The following KMT2B variants were observed in gnomAD, a reference collection of about 807,000 sequenced individuals.
The protein encoded by KMT2B is lysine methyltransferase 2B.
In KMT2B, 22 loss-of-function variants were observed where a neutral mutation model predicts 255.3. That is an observed-to-expected ratio of 0.09 (90% CI 0.06 to 0.12). KMT2B has a LOEUF of 0.12. KMT2B is among the 10% of genes least tolerant of loss of function. The pLI, the probability that KMT2B is intolerant of heterozygous loss-of-function variation, is 1.00. For missense variants in KMT2B, 3,149 were observed against 3,737.0 expected (o/e 0.84, Z 4.10); for synonymous variants, 1,730 against 1,498.1 (o/e 1.15, Z -3.57).
In KMT2B at chr19:35,729,008, G is replaced by A. The variant is rs1969580208; in HGVS notation, c.4711G>A (p.Ala1571Thr). ...AGCATTCCAGGGCAAGGATCCGGCT[G>A]CCTTCTCACACCTGGAGGACCCCCG... ...SAAFQGKDPA[A>T]FSHLEDPRQC... The change falls in exon 21 of 37, where the codon GCC (alanine) becomes ACC (threonine). Residue 1571 changes from alanine (A) to threonine (T), a missense_variant. Ala to Thr is a moderately conservative substitution (Grantham distance 58). Around this residue, in one of 18 missense-constraint regions of KMT2B, gnomAD observed 377 missense variants for 471.0 expected, o/e 0.80. Transcript: ENST00000420124. 2 of 1,613,984 alleles carry A rather than the reference G, an allele frequency of 1.2e-6. No homozygotes were observed. The highest frequency in any genetic ancestry group is 1.7e-5 in the Admixed American group (1 of 60,024).
chr19:35,734,525 T>C (rs1029086137), intron 30 of KMT2B, among the ~76,000 whole-genome samples: 1 of 151,950 alleles, frequency 6.6e-6, no homozygotes, highest in Admixed American at 6.6e-5. Flanking sequence ...AGCGGAGCCA[T>C]GGATGGCAGG....
chr19:35,738,206 G>C lies in KMT2B; in HGVS notation c.7872+15G>C, dbSNP rs763031388. ...ACGATGGGAAGGTGGGCTCCCAGTG[G>C]CTGTGGGAAGACAGTGGGTGAAGCG... On this transcript the variant is annotated intron_variant, in intron 36 of 36. Coordinates refer to ENST00000420124, the MANE Select transcript of KMT2B (RefSeq NM_014727.3). This position sits in a 1 kb window ranked among gnomAD's most constrained non-coding sequence, Gnocchi z 8.7. The C allele has an allele frequency of 1.9e-5, 30 of 1,613,772 alleles. No homozygotes were observed. Among genetic ancestry groups the C allele is most frequent in the Admixed American group, 8.3e-5 (5 of 59,982 alleles).
chr19:35,725,909 C>T lies in KMT2B; in HGVS notation c.3885+91C>T, dbSNP rs1248384144. On this transcript the variant is annotated intron_variant, in intron 13 of 36. Transcript: ENST00000420124. The surrounding 1 kb of genome is among the most constrained non-coding windows in gnomAD (Gnocchi z 4.1). ...TCTAGGCTGGGGCTCTCAGGAGGAG[C>T]AGAGGTTGGGGATCCTCTTAAGAAT... The T allele has an allele frequency of 9.3e-7, 1 of 1,074,246 alleles. No homozygotes were observed. The highest frequency in any genetic ancestry group is 1.4e-6 in the Non-Finnish European group (1 of 717,108). 66.5% of individuals were successfully genotyped at this position (1,074,246 alleles called of 1,614,324 possible). A position where few individuals can be genotyped will look rare whatever the true frequency, so the allele number is the denominator to read the frequency against.
Position 35,724,750 on chromosome 19 carries a change from G to A in KMT2B, c.3429+19G>A, listed in dbSNP as rs573322441. Reference sequence around the variant, plus strand: ...GGACAAGGTCAGCACGGCCCGCTCCGAGAGCCCCTTCCCTCCAGGAGCTAC... The same window carrying A: ...GGACAAGGTCAGCACGGCCCGCTCCAAGAGCCCCTTCCCTCCAGGAGCTAC... On this transcript the variant is annotated intron_variant, in intron 9 of 36. Coordinates refer to ENST00000420124, the MANE Select transcript of KMT2B (RefSeq NM_014727.3). 1.1e-5 allele frequency: 17 copies of A among 1,560,340 alleles called. No individual in the cohort carries two copies. The highest frequency in any genetic ancestry group is 3.5e-5 in the South Asian group (3 of 85,176).
rs1381758398 is a variant in KMT2B, at chr19:35,729,957, C to T, written c.4918-10C>T. The stretch of plus-strand genomic sequence containing the variant: ...CTGGCTTCTCCCCTGAGCTGCCCTC[C>T]CCTACGCAGCGCTGCGAGCTCTGCC... On this transcript the variant is annotated splice_polypyrimidine_tract_variant and intron_variant, in intron 22 of 36. Coordinates refer to ENST00000420124, the MANE Select transcript of KMT2B (RefSeq NM_014727.3). The T allele has an allele frequency of 6.2e-7, 1 of 1,610,220 alleles. No homozygotes were observed. Among genetic ancestry groups the T allele is most frequent in the South Asian group, 1.1e-5 (1 of 90,598 alleles).
Position 35,737,231 on chromosome 19 carries a change from C to A in KMT2B, c.7518C>A (p.Pro2506=). ...GCCAGGAGGAGCCGCCCCTGAATCC[C>A]CATGGGGCTGCTCGGGCAGAGGTCT... is the stretch of plus-strand genomic sequence containing the variant. ...GEGQEEPPLN[P]HGAARAEVYL... Residue 2506 remains proline, a synonymous_variant, in exon 33 of 37, where the codon CCC becomes CCA. Transcript: ENST00000420124. The surrounding 1 kb of genome is among the most constrained non-coding windows in gnomAD (Gnocchi z 5.3). The A allele has an allele frequency of 1.3e-6, 2 of 1,567,542 alleles. No individual in the cohort carries two copies. The highest frequency in any genetic ancestry group is 1.2e-5 in the South Asian group (1 of 85,000).
rs1969812686 is a variant in KMT2B, at chr19:35,733,665, C to T, written c.7028C>T (p.Pro2343Leu). Residue 2343 changes from proline to leucine, a missense_variant, in exon 29 of 37, where the codon CCC becomes CTC. Transcript: ENST00000420124. The surrounding 1 kb of genome is among the most constrained non-coding windows in gnomAD (Gnocchi z 4.3). ...GVLDLDRPGE[P>L]AGEESPGPLQ... is the part of the protein sequence containing the mutation. ...CTTGACCTGGATCGGCCTGGGGAGC[C>T]CGCTGGGGAAGAAAGTCCTGGGTGA... The T allele has an allele frequency of 6.2e-7, 1 of 1,600,776 alleles. No individual in the cohort carries two copies. Among genetic ancestry groups the T allele is most frequent in the African/African-American group, 1.3e-5 (1 of 74,600 alleles).
rs771880175 is a variant in KMT2B, at chr19:35,732,523, G to A, written c.5974G>A (p.Asp1992Asn). ...GTCAGGACTGAGTGCTGCTGACCTGGACTTCGCGGCCAGCCTGCTGGGGAC... is the reference window on the plus strand; with the variant it reads ...GTCAGGACTGAGTGCTGCTGACCTGAACTTCGCGGCCAGCCTGCTGGGGAC... ...VVSGLSAADLDFAASLLGTEP... is the reference protein window; with the variant it reads ...VVSGLSAADLNFAASLLGTEP... The change falls in exon 28 of 37, where the codon GAC becomes AAC. Residue 1992 changes from aspartate to asparagine, a missense_variant. Physicochemically the swap from Asp to Asn is conservative, Grantham distance 23 (BLOSUM62 1). Around this residue, in one of 18 missense-constraint regions of KMT2B, gnomAD observed 897 missense variants for 825.3 expected, o/e 1.09. Coordinates refer to ENST00000420124, the MANE Select transcript of KMT2B (RefSeq NM_014727.3). 3 of 1,613,956 alleles carry A rather than the reference G, an allele frequency of 1.9e-6. No homozygotes were observed. Among genetic ancestry groups the A allele is most frequent in the Non-Finnish European group, 2.5e-6 (3 of 1,179,888 alleles).
Position 35,737,838 on chromosome 19 carries a change from G to T in KMT2B, c.7659-21G>T. 1.3e-6 allele frequency: 2 copies of T among 1,558,510 alleles called. No homozygotes were observed. The highest frequency in any genetic ancestry group is 1.2e-5 in the South Asian group (1 of 84,824). ...GGTCATTCTGAGCACCAGCCTGGGTGACACTGCTGTCCCTCACCAGACGTG... is the reference window on the plus strand; with the variant it reads ...GGTCATTCTGAGCACCAGCCTGGGTTACACTGCTGTCCCTCACCAGACGTG... On this transcript the variant is annotated intron_variant, in intron 34 of 36. Transcript: ENST00000420124. This position sits in a 1 kb window ranked among gnomAD's most constrained non-coding sequence, Gnocchi z 5.3.
chr19:35,728,249 A>C, intron 19 of KMT2B, 78 bp downstream of exon 19: 1 of 1,263,294 alleles, frequency 7.9e-7, no homozygotes, highest in Non-Finnish European at 1.1e-6. Flanking sequence ...CGCTGGGCTG[A>C]GAAGAGATGA....
At chr19:35,734,197 C>T (rs1335258007) in intron 30 of KMT2B, among the ~76,000 whole-genome samples, 6 of 152,034 alleles carry the variant, frequency 3.9e-5, no homozygotes, top group Admixed American at 3.9e-4. Flanking sequence ...GTTCTAGGAT[C>T]ATCTAGAGGG....
At chr19:35,726,618 A>G (rs1387407813) in intron 14 of KMT2B, among the ~76,000 whole-genome samples, 3 of 152,076 alleles carry the variant, frequency 2.0e-5, no homozygotes, top group Admixed American at 6.5e-5. Flanking sequence ...TCACGTCTCC[A>G]TTGAGCGGTT....
chr19:35,723,610 T>C lies in KMT2B; in HGVS notation c.3058+108T>C. ...CCCTTGCAGCTCACCCTCTCCATCT[T>C]CTCCGTTGTGTGCTTTCATAGCTCC... On this transcript the variant is annotated intron_variant, in intron 7 of 36. Coordinates refer to ENST00000420124, the MANE Select transcript of KMT2B (RefSeq NM_014727.3). The surrounding 1 kb of genome is among the most constrained non-coding windows in gnomAD (Gnocchi z 7.5). The C allele has an allele frequency of 3.1e-6, 4 of 1,301,374 alleles. No homozygotes were observed. The highest frequency in any genetic ancestry group is 4.2e-6 in the Non-Finnish European group (4 of 950,904). 80.6% of individuals were successfully genotyped at this position (1,301,374 alleles called of 1,614,324 possible).
chr19:35,733,268 T>G lies in KMT2B; in HGVS notation c.6719T>G (p.Leu2240Arg). ...TSWTLPPGPL[L>R]GVLPVVGVVR... ...TGGACTCTGCCCCCAGGCCCCCTCC[T>G]CGGCGTGCTGCCCGTGGTCGGAGTG... Residue 2240 changes from leucine (L) to arginine (R), a missense_variant, in exon 28 of 37, where the codon CTC becomes CGC. By Grantham distance (102) the Leu-to-Arg change is moderately radical (BLOSUM62 -2). Coordinates refer to ENST00000420124, the MANE Select transcript of KMT2B (RefSeq NM_014727.3). The surrounding 1 kb of genome is among the most constrained non-coding windows in gnomAD (Gnocchi z 4.3). 1 of 1,284,448 alleles carries G rather than the reference T, an allele frequency of 7.8e-7. No homozygotes were observed. The highest frequency in any genetic ancestry group is 1.0e-6 in the Non-Finnish European group (1 of 959,522). The allele number at this position is 1,284,448 out of a possible 1,614,324, so 79.6% of individuals were successfully genotyped here. A position where few individuals can be genotyped will look rare whatever the true frequency, so the allele number is the denominator to read the frequency against.
At position 35,722,781 on chromosome 19, in the gene KMT2B, C is replaced by T. The variant is rs966467665; in HGVS notation, c.2722+63C>T. On this transcript the variant is annotated intron_variant, in intron 5 of 36. Transcript: ENST00000420124. ...GATGACCCCACACTTGGGTGACATG[C>T]ACCAAGAGCCTAGGAGAGAGGGAGC... 7 of 1,525,230 alleles carry T rather than the reference C, an allele frequency of 4.6e-6. No homozygotes were observed. In the African/African-American group the frequency reaches 9.7e-5, roughly 21 times the overall value. The allele number at this position is 1,525,230 out of a possible 1,614,324, so 94.5% of individuals were successfully genotyped here. A position where few individuals can be genotyped will look rare whatever the true frequency, so the allele number is the denominator to read the frequency against.
intron 26 of KMT2B, among the ~76,000 whole-genome samples, 169 bp from the exon 27 acceptor site, chr19:35,731,739 T>C (rs1969702052): frequency 6.6e-6 from 1 of 151,906 alleles, no homozygotes; most frequent in African/African-American, 2.4e-5. Context: ...GTGTGCAGGT[T>C]TTGCCAACTC....
At position 35,732,197 on chromosome 19, in the gene KMT2B, C is replaced by T. The variant is rs762009797; in HGVS notation, c.5666-18C>T. 3 of 1,574,268 alleles carry T rather than the reference C, an allele frequency of 1.9e-6. No individual in the cohort carries two copies. The African/African-American group carries it at 4.1e-5, about 21-fold the overall frequency. Reference sequence around the variant, plus strand: ...GCGGAGGTGGGAGCTGCTGGTAACACCAACCCTCCCCCCACAGGAAGTCCA... The same window carrying T: ...GCGGAGGTGGGAGCTGCTGGTAACATCAACCCTCCCCCCACAGGAAGTCCA... On this transcript the variant is annotated intron_variant, in intron 27 of 36. Transcript: ENST00000420124.
chr19:35,726,897 T>C (rs1969472579), intron 14 of KMT2B, among the ~76,000 whole-genome samples: 1 of 149,296 alleles, frequency 6.7e-6, no homozygotes, highest in Non-Finnish European at 1.5e-5. Flanking sequence ...GGCAGGAGAA[T>C]CGCTTGAACC....
rs1016987627 is a variant in KMT2B at position 35,722,623 on chromosome 19, C to T, written c.2627C>T (p.Ala876Val). The stretch of plus-strand genomic sequence containing the variant: ...ATCAAACATGTCTGCCGTCATGCTG[C>T]TGTGGCCCTGGGTCAGGCCCGGGCC... ...PRIKHVCRHAAVALGQARAMV... is the reference protein window; with the variant it reads ...PRIKHVCRHAVVALGQARAMV... Residue 876 changes from alanine to valine, a missense_variant, in exon 5 of 37, where the codon GCT becomes GTT. Coordinates refer to ENST00000420124, the MANE Select transcript of KMT2B (RefSeq NM_014727.3). The T allele has an allele frequency of 1.9e-6, 3 of 1,612,496 alleles. No homozygotes were observed. Among genetic ancestry groups the T allele is most frequent in the Non-Finnish European group, 2.5e-6 (3 of 1,179,522 alleles).
Sources: allele counts gnomAD v4.1 joint callset (sites outside exome capture counted in the v4.1 genomes callset), GRCh38; gene constraint gnomAD v4.1.1; regional missense constraint gnomAD v4.1.1; non-coding constraint Gnocchi (gnomAD v3.1); transcripts MANE v1.5; gene names NCBI Gene and HGNC (gene_info 2026-07-23, HGNC 2026-07-21).